EPB41L3: variants seen among roughly 807,000 people sequenced by gnomAD.
EPB41L3 encodes the protein band 4.1-like protein 3.
In EPB41L3, 57 loss-of-function variants were observed where a neutral mutation model predicts 127.1. The ratio of observed to expected loss-of-function variants is 0.45; its 90% CI spans 0.36 to 0.56. The LOEUF (loss-of-function observed/expected upper bound fraction) is 0.56, where lower values mean the gene tolerates loss of function less well. EPB41L3 is among the 20% of genes least tolerant of loss of function. EPB41L3 has a pLI of 0.00. For synonymous variants in EPB41L3, 572 were observed against 549.5 expected (o/e 1.04, Z -0.57); for missense variants, 1,273 against 1,372.2 (o/e 0.93, Z 1.14).
chr18:5,407,103 G>T, intron 15 of EPB41L3, 135 bp from the exon 16 acceptor site: 1 of 718,628 alleles, frequency 1.4e-6, no homozygotes, highest in Non-Finnish European at 2.3e-6. Flanking sequence ...AAGGCTCATG[G>T]CACTACCACA....
chr18:5,432,864 C>T (rs893047558), intron 8 of EPB41L3, among the ~76,000 whole-genome samples: 1 of 152,182 alleles, frequency 6.6e-6, no homozygotes. Context: ...TTTCAGAGCT[C>T]TGATTATTTG....
intron 6 of EPB41L3, among the ~76,000 whole-genome samples, chr18:5,435,236 G>C (rs1243309894): frequency 6.6e-6 from 1 of 152,080 alleles, no homozygotes; most frequent in Non-Finnish European, 1.5e-5. Context: ...ATTTATTATT[G>C]AAGAAAGAAA....
intron 1 of EPB41L3, among the ~76,000 whole-genome samples, chr18:5,495,239 T>A (rs749711928): frequency 1.3e-5 from 2 of 152,140 alleles, no homozygotes; most frequent in Non-Finnish European, 2.9e-5. Context: ...TTTAAGATTA[T>A]GTAAGAAGCA....
At chr18:5,493,842 G>C (rs889435523) in intron 1 of EPB41L3, among the ~76,000 whole-genome samples, 2 of 152,104 alleles carry the variant, frequency 1.3e-5, no homozygotes, top group African/African-American at 2.4e-5. Flanking sequence ...GTCAATCCTA[G>C]GTGGCACCCC....
At chr18:5,482,182 T>C (rs1599568314) in intron 2 of EPB41L3, among the ~76,000 whole-genome samples, 1 of 151,968 alleles carries the variant, frequency 6.6e-6, no homozygotes, top group Non-Finnish European at 1.5e-5. Flanking sequence ...TTTTAAGAAA[T>C]CAAACAGAAA....
At chr18:5,630,160 G>T (rs1212493466), upstream of EPB41L3, among the ~76,000 whole-genome samples, 3 of 152,164 alleles carry the variant, frequency 2.0e-5, no homozygotes, top group Admixed American at 2.0e-4. Flanking sequence ...GCACCTCTCT[G>T]CTCGTCCCTA....
At chr18:5,493,332 C>T (rs1037261922) in intron 1 of EPB41L3, among the ~76,000 whole-genome samples, 3 of 152,126 alleles carry the variant, frequency 2.0e-5, no homozygotes, top group African/African-American at 4.8e-5. Context: ...TAAAAGAAAA[C>T]GTCTTCGTAC....
chr18:5,570,889 T>C (rs141461547), intron 3 of EPB41L3: 21 of 152,368 alleles, frequency 1.4e-4, no homozygotes, highest in Non-Finnish European at 2.9e-4. Context: ...CAAGCTCTTA[T>C]CAGCATTTTC....
intron 3 of EPB41L3, among the ~76,000 whole-genome samples, chr18:5,469,650 C>T (rs944224977): frequency 6.6e-6 from 1 of 152,180 alleles, no homozygotes; most frequent in Non-Finnish European, 1.5e-5. Flanking sequence ...AGGCGCCACC[C>T]GCCCTAGAGG....
chr18:5,550,524 T>G (rs2093949832), intron 3 of EPB41L3, among the ~76,000 whole-genome samples: 2 of 152,230 alleles, frequency 1.3e-5, no homozygotes, highest in Non-Finnish European at 2.9e-5. Flanking sequence ...TAGAAATATT[T>G]TCTTTCATTA....
At chr18:5,446,662 C>T (rs1040642888) in intron 3 of EPB41L3, among the ~76,000 whole-genome samples, 4 of 152,152 alleles carry the variant, frequency 2.6e-5, no homozygotes, top group Admixed American at 6.5e-5. Context: ...AAAGCAATTA[C>T]GCAGTCCCCT....
rs2148751980 is a variant in EPB41L3 at position 5,516,921 on chromosome 18, A to T, written c.-12+26992T>A. Among the ~76,000 whole-genome samples, 3 of 152,314 alleles carry T rather than the reference A, an allele frequency of 2.0e-5. No individual in the cohort carries two copies. In the South Asian group the frequency reaches 6.2e-4, roughly 32 times the overall value. ...CATTTTCCACAGAAATTGTATTATAAATCACAGTTAAGTTTCAAAGATTGT... is the reference window on the plus strand; with the variant it reads ...CATTTTCCACAGAAATTGTATTATATATCACAGTTAAGTTTCAAAGATTGT... On this transcript the variant is annotated intron_variant, in intron 1 of 22. Transcript: ENST00000341928.
At chr18:5,410,423 CA>C (rs2144309481) in intron 14 of EPB41L3, 142 bp downstream of exon 14, 1 of 598,640 alleles carries the variant, frequency 1.7e-6, no homozygotes, top group Non-Finnish European at 3.1e-6. Context: ...GTCTAGACAA[CA>C]AAATACATAT....
In EPB41L3 at chr18:5,481,802, C is replaced by T. The variant is rs897371546; in HGVS notation, c.184-3364G>A. ...AGGATAATCCCTCATTCAGGACAAG[C>T]GGCACTCCCATCGCTTACGAGAGCC... On this transcript the variant is annotated intron_variant, in intron 2 of 22. Transcript: ENST00000341928. Among the ~76,000 whole-genome samples the T allele has an allele frequency of 4.6e-5, 7 of 152,286 alleles. No individual in the cohort carries two copies. The East Asian group carries it at 5.8e-4, about 13-fold the overall frequency.
chr18:5,519,983 T>G (rs974522983), intron 1 of EPB41L3, among the ~76,000 whole-genome samples: 1 of 152,214 alleles, frequency 6.6e-6, no homozygotes, highest in African/African-American at 2.4e-5. Context: ...TTCTCAGGAA[T>G]GGAACTGTTT....
At chr18:5,436,373 C>A (rs369639125) in intron 6 of EPB41L3, among the ~76,000 whole-genome samples, 1 of 149,240 alleles carries the variant, frequency 6.7e-6, no homozygotes, top group Non-Finnish European at 1.5e-5. Context: ...CATGAGTCAA[C>A]AGAAAGAAAC....
In EPB41L3 at chr18:5,397,949, A is replaced by G. The variant is rs1366833976; in HGVS notation, c.2472+72T>C. 1.3e-6 allele frequency: 2 copies of G among 1,596,700 alleles called. No individual in the cohort carries two copies. Among genetic ancestry groups the G allele is most frequent in the Admixed American group, 3.4e-5 (2 of 58,980 alleles). On this transcript the variant is annotated intron_variant, in intron 17 of 22. Transcript: ENST00000341928. The surrounding 1 kb of genome is among the most constrained non-coding windows in gnomAD (Gnocchi z 4.1). ...GCCAGCTGGATGCAACCACACACTC[A>G]CGCCCAAAAAAAGGGTAAGGAAAGG... is the stretch of plus-strand genomic sequence containing the variant.
At chr18:5,574,239 G>A (rs1181024692) in intron 3 of EPB41L3, among the ~76,000 whole-genome samples, 1 of 151,766 alleles carries the variant, frequency 6.6e-6, no homozygotes, top group Non-Finnish European at 1.5e-5. Flanking sequence ...ATTACAGTCA[G>A]ATTTTTTTCT....
At position 5,419,852 on chromosome 18, in the gene EPB41L3, T is replaced by C. The variant is rs369313726; in HGVS notation, c.1365A>G (p.Thr455=). 23 of 1,614,126 alleles carry C rather than the reference T, an allele frequency of 1.4e-5. No homozygotes were observed. Among genetic ancestry groups the C allele is most frequent in the Non-Finnish European group, 1.9e-5 (22 of 1,180,050 alleles). The change falls in exon 12 of 23, where the codon ACA becomes ACG. Residue 455 remains threonine (T), a synonymous_variant. Coordinates refer to ENST00000341928, the MANE Select transcript of EPB41L3 (RefSeq NM_012307.5). ...DGEVGTGQYA[T]TKGISQTNLI... ...AGTTGGTCTGAGAGATGCCTTTTGT[T>C]GTGGCGTACTGGCCAGTACCAACCT...
Sources: allele counts gnomAD v4.1 joint callset (sites outside exome capture counted in the v4.1 genomes callset), GRCh38; gene constraint gnomAD v4.1.1; non-coding constraint Gnocchi (gnomAD v3.1); transcripts MANE v1.5; gene names NCBI Gene and HGNC (gene_info 2026-07-23, HGNC 2026-07-21).